The following CPNE1 variants were observed in gnomAD, a reference collection of about 807,000 sequenced individuals.
The protein encoded by CPNE1 is copine 1.
In CPNE1, 58 loss-of-function variants were observed where a neutral mutation model predicts 63.2. That is an observed-to-expected ratio of 0.92 (90% CI 0.74 to 1.14). CPNE1 has a LOEUF of 1.14. CPNE1 is among the 50% of genes most tolerant of loss of function. The pLI, the probability that CPNE1 is intolerant of heterozygous loss-of-function variation, is 0.00. For synonymous variants in CPNE1, 237 were observed against 249.0 expected (o/e 0.95, Z 0.45); for missense variants, 672 against 661.7 (o/e 1.02, Z -0.17).
At chr20:35,638,506 C>T (rs1300480977) in intron 1 of CPNE1, among the ~76,000 whole-genome samples, 1 of 152,194 alleles carries the variant, frequency 6.6e-6, no homozygotes, top group Admixed American at 6.5e-5. Flanking sequence ...AGACCACCAC[C>T]ACCAAATGCT....
intron 1 of CPNE1, chr20:35,654,267 G>C (rs1460199080): frequency 1.2e-6 from 2 of 1,614,140 alleles, no homozygotes; most frequent in Non-Finnish European, 1.7e-6. Flanking sequence ...TATCTTGAGG[G>C]GAGAGAAACT....
intron 1 of CPNE1, chr20:35,651,991 C>T (rs1321995143): frequency 6.6e-6 from 1 of 152,414 alleles, no homozygotes; most frequent in African/African-American, 2.4e-5. Context: ...CAGCAAGGAC[C>T]CTTAAGAAGC....
intron 1 of CPNE1, among the ~76,000 whole-genome samples, chr20:35,646,673 G>A (rs117898158): frequency 1.3e-5 from 2 of 152,132 alleles, no homozygotes; most frequent in Admixed American, 6.6e-5. Flanking sequence ...GCAAAGGGAG[G>A]AAATGAACAG....
At chr20:35,641,319 G>C in intron 1 of CPNE1, among the ~76,000 whole-genome samples, 1 of 152,146 alleles carries the variant, frequency 6.6e-6, no homozygotes, top group Non-Finnish European at 1.5e-5. Flanking sequence ...TTGGACTGTT[G>C]TTAGACTTTT....
At chr20:35,631,913 C>A in intron 6 of CPNE1, 32 bp downstream of exon 6, 1 of 1,596,726 alleles carries the variant, frequency 6.3e-7, no homozygotes, top group Non-Finnish European at 8.6e-7. Context: ...TTATCTCCTA[C>A]CCCAGCCCAC....
chr20:35,647,414 GC>G (rs1452733770), intron 1 of CPNE1: 1 of 151,432 alleles, frequency 6.6e-6, no homozygotes, highest in African/African-American at 2.4e-5. Context: ...TTTAATATGT[GC>G]TGCTGAAGCA....
At chr20:35,661,722 G>GA (rs1359294195) in intron 1 of CPNE1, among the ~76,000 whole-genome samples, 7 of 152,050 alleles carry the variant, frequency 4.6e-5, no homozygotes, top group Non-Finnish European at 1.0e-4. Context: ...TGGAATTTCA[G>GA]AAAAAAATGT....
intron 1 of CPNE1, among the ~76,000 whole-genome samples, chr20:35,639,376 G>C (rs1190983873): frequency 6.6e-6 from 1 of 151,926 alleles, no homozygotes; most frequent in African/African-American, 2.4e-5. Flanking sequence ...TCACTCTGTT[G>C]CCCAGGCTGG....
chr20:35,655,940 C>T (rs1264686046), intron 1 of CPNE1, among the ~76,000 whole-genome samples: 1 of 152,102 alleles, frequency 6.6e-6, no homozygotes, highest in Non-Finnish European at 1.5e-5. Context: ...TTATTTTATT[C>T]ATCCTAAAAC....
intron 1 of CPNE1, among the ~76,000 whole-genome samples, chr20:35,639,126 A>C (rs1209604649): frequency 6.6e-6 from 1 of 152,108 alleles, no homozygotes; most frequent in African/African-American, 2.4e-5. Flanking sequence ...ACCCATAAAC[A>C]AATGTTGCAC....
intron 1 of CPNE1, among the ~76,000 whole-genome samples, chr20:35,645,747 T>TTACA (rs1162813042): frequency 1.3e-5 from 2 of 152,218 alleles, no homozygotes; most frequent in South Asian, 2.1e-4. Flanking sequence ...TCAGTCAGAG[T>TTACA]TACAGCACAG....
chr20:35,659,100 A>G (rs189453763), intron 1 of CPNE1: 2 of 539,662 alleles, frequency 3.7e-6, no homozygotes, highest in East Asian at 6.7e-5. Flanking sequence ...TACGAAGGCG[A>G]GTCTGAAACC....
intron 15 of CPNE1, 61 bp from the exon 16 acceptor site, chr20:35,626,442 A>C: frequency 6.2e-7 from 1 of 1,605,742 alleles, no homozygotes; most frequent in South Asian, 1.1e-5. Flanking sequence ...TCTGTATTTC[A>C]TGCTCAAGAA....
At chr20:35,663,511 C>T (rs897873805) in intron 1 of CPNE1, among the ~76,000 whole-genome samples, 1 of 152,198 alleles carries the variant, frequency 6.6e-6, no homozygotes. Flanking sequence ...GTGGGTTATA[C>T]TGACTCTATT....
chr20:35,663,263 A>G (rs1262857854), intron 1 of CPNE1, among the ~76,000 whole-genome samples: 1 of 152,242 alleles, frequency 6.6e-6, no homozygotes, highest in Non-Finnish European at 1.5e-5. Flanking sequence ...TATAATTTAA[A>G]AAACAAGATT....
At chr20:35,627,225 A>ACC in intron 14 of CPNE1, 55 bp downstream of exon 14, 2 of 1,355,248 alleles carry the variant, frequency 1.5e-6, no homozygotes, top group South Asian at 2.7e-5. Flanking sequence ...TTGTTCCATA[A>ACC]CCCTCAAGGA....
At chr20:35,632,995 G>A in intron 1 of CPNE1, 72 bp from the exon 2 acceptor site, 1 of 820,020 alleles carries the variant, frequency 1.2e-6, no homozygotes, top group Non-Finnish European at 2.1e-6. Flanking sequence ...GTCCCAGCTT[G>A]GGAAGGCCAG....
intron 1 of CPNE1, among the ~76,000 whole-genome samples, chr20:35,642,623 T>C (rs1222247591): frequency 1.3e-5 from 2 of 152,200 alleles, no homozygotes; most frequent in African/African-American, 4.8e-5. Flanking sequence ...TAGACAAGTT[T>C]TCTTATCCCT....
intron 1 of CPNE1, chr20:35,652,702 T>C (rs1441120401): frequency 6.2e-7 from 1 of 1,614,044 alleles, no homozygotes; most frequent in Admixed American, 1.7e-5. Flanking sequence ...ATAAAAGAAA[T>C]CTAAAATCTC....
Sources: gnomAD v4.1 joint callset for allele counts (sites outside exome capture counted in the v4.1 genomes callset) on GRCh38, gnomAD v4.1.1 for gene constraint, MANE v1.5 for transcripts, NCBI Gene and HGNC (gene_info 2026-07-23, HGNC 2026-07-21) for gene names.